The following GABRB2 variants were observed in gnomAD, a reference collection of about 807,000 sequenced individuals.
GABRB2 encodes gamma-aminobutyric acid type A receptor subunit beta2.
Under a neutral mutation model 54.7 loss-of-function variants are expected in GABRB2, and 16 were observed. That is an observed-to-expected ratio of 0.29 (90% CI 0.20 to 0.44). The LOEUF (loss-of-function observed/expected upper bound fraction) is 0.44, where lower values mean the gene tolerates loss of function less well. GABRB2 is among the 20% of genes least tolerant of loss of function. GABRB2 has a pLI of 1.00. For synonymous variants in GABRB2, 244 were observed against 233.8 expected (o/e 1.04, Z -0.40); for missense variants, 355 against 644.0 (o/e 0.55, Z 4.86).
intron 4 of GABRB2, among the ~76,000 whole-genome samples, chr5:161,449,360 A>C (rs906481368): frequency 2.0e-5 from 3 of 152,178 alleles, no homozygotes; most frequent in African/African-American, 7.2e-5. Context: ...GGTTACTACT[A>C]CTACTACAAC....
chr5:161,370,817 C>T (rs189942903), intron 5 of GABRB2, among the ~76,000 whole-genome samples: 1 of 152,240 alleles, frequency 6.6e-6, no homozygotes, highest in African/African-American at 2.4e-5. Context: ...ACCCAAGTGG[C>T]CATTAAAAAT....
intron 5 of GABRB2, among the ~76,000 whole-genome samples, chr5:161,390,141 T>C (rs1755774827): frequency 6.6e-6 from 1 of 152,044 alleles, no homozygotes; most frequent in Non-Finnish European, 1.5e-5. Context: ...ATTAGGCCAG[T>C]TTAATCATGT....
chr5:161,451,978 C>T (rs1440648913), intron 4 of GABRB2, among the ~76,000 whole-genome samples: 2 of 152,046 alleles, frequency 1.3e-5, no homozygotes, highest in East Asian at 1.9e-4. Context: ...GAAGATTTTA[C>T]TGTGTTTGTT....
rs537311099 is a variant in GABRB2 at position 161,309,882 on chromosome 5, C to T, written c.1192-15454G>A. On this transcript the variant is annotated intron_variant, in intron 9 of 9. Transcript: ENST00000393959. Reference sequence around the variant, plus strand: ...TCCTGACCTCGTGATCTGCCCATCTCGGCCTCCCAAAGTGCTGGGATTACA... The same window carrying T: ...TCCTGACCTCGTGATCTGCCCATCTTGGCCTCCCAAAGTGCTGGGATTACA... Among the ~76,000 whole-genome samples, 5 of 152,196 alleles carry T rather than the reference C, an allele frequency of 3.3e-5. No individual in the cohort carries two copies. The South Asian group carries it at 8.3e-4, about 25-fold the overall frequency.
intron 3 of GABRB2, among the ~76,000 whole-genome samples, chr5:161,541,887 G>C (rs1760829765): frequency 6.6e-6 from 1 of 152,152 alleles, no homozygotes; most frequent in African/African-American, 2.4e-5. Flanking sequence ...TGGCTGCTTT[G>C]AGCAAGAGAC....
chr5:161,435,789 G>T (rs1404337766), intron 4 of GABRB2, among the ~76,000 whole-genome samples: 2 of 152,158 alleles, frequency 1.3e-5, no homozygotes, highest in East Asian at 3.9e-4. Context: ...CTAGCCTATA[G>T]ATATAGTAGA....
Position 161,331,123 on chromosome 5 carries a change from G to A in GABRB2, c.837C>T (p.Ile279=). ...DASAARVALG[I]TTVLTMTTIN... is the part of the protein sequence containing the mutation. ...TTGTGGTCATTGTGAGGACAGTTGTGATTCCTGAAAAAAAATGGGAGAGTT... is the reference window on the plus strand; with the variant it reads ...TTGTGGTCATTGTGAGGACAGTTGTAATTCCTGAAAAAAAATGGGAGAGTT... The change falls in exon 8 of 10, where the codon ATC becomes ATT. Residue 279 remains isoleucine (I), a synonymous_variant. Transcript: ENST00000393959. 6.5e-7 allele frequency: 1 copy of A among 1,540,968 alleles called. No homozygotes were observed. Among genetic ancestry groups the A allele is most frequent in the Non-Finnish European group, 8.7e-7 (1 of 1,143,808 alleles).
At chr5:161,335,221 A>G (rs1411424621) in intron 6 of GABRB2, among the ~76,000 whole-genome samples, 3 of 151,988 alleles carry the variant, frequency 2.0e-5, no homozygotes, top group Non-Finnish European at 2.9e-5. Context: ...CATTCTTTCA[A>G]TTGTTCCTTA....
At chr5:161,308,082 C>T (rs917310564) in intron 9 of GABRB2, among the ~76,000 whole-genome samples, 4 of 151,968 alleles carry the variant, frequency 2.6e-5, no homozygotes, top group African/African-American at 4.8e-5. Flanking sequence ...AGGATGGTCT[C>T]GATCTCCTGA....
At chr5:161,467,239 T>C (rs1758305317) in intron 3 of GABRB2, among the ~76,000 whole-genome samples, 1 of 152,142 alleles carries the variant, frequency 6.6e-6, no homozygotes, top group Non-Finnish European at 1.5e-5. Context: ...GAGAAATCAC[T>C]CTCTCTGCTA....
At position 161,323,684 on chromosome 5, in the gene GABRB2, ACT is replaced by A. The variant is rs147193754; in HGVS notation, c.1191+2682_1191+2683del. Among the ~76,000 whole-genome samples, 356 of 151,446 alleles carry A rather than the reference ACT, an allele frequency of 2.4e-3. 1 individual carries two copies. Among genetic ancestry groups the A allele is most frequent in the Non-Finnish European group, 3.6e-3 (244 of 67,854 alleles). ...GACTAGACATGGGATTTTGGAGTCT[ACT>A]CTCTCTCCTCTTCTCCAGCACTTAT... On this transcript the variant is annotated intron_variant, in intron 9 of 9. Coordinates refer to ENST00000393959, the MANE Select transcript of GABRB2 (RefSeq NM_001371727.1).
At chr5:161,395,406 C>T (rs544919506) in intron 5 of GABRB2, among the ~76,000 whole-genome samples, 2 of 152,256 alleles carry the variant, frequency 1.3e-5, no homozygotes, top group Non-Finnish European at 2.9e-5. Context: ...ATTCATCTAT[C>T]CATTCATTAT....
At chr5:161,345,570 A>T (rs762142789) in intron 5 of GABRB2, among the ~76,000 whole-genome samples, 6 of 152,028 alleles carry the variant, frequency 3.9e-5, no homozygotes, top group Non-Finnish European at 8.8e-5. Context: ...TATTTCAGTT[A>T]CTTGAAATAT....
chr5:161,338,927 C>T (rs1268298676), intron 5 of GABRB2, among the ~76,000 whole-genome samples: 1 of 152,086 alleles, frequency 6.6e-6, no homozygotes, highest in Admixed American at 6.6e-5. Flanking sequence ...CTACCCAATC[C>T]TGAGACATGA....
chr5:161,547,967 G>T (rs1761042153), upstream of GABRB2: 1 of 152,262 alleles, frequency 6.6e-6, no homozygotes, highest in African/African-American at 2.4e-5. Flanking sequence ...GACAGGGGAC[G>T]GGGACTCCCG....
intron 3 of GABRB2, among the ~76,000 whole-genome samples, chr5:161,529,861 C>T (rs1760403853): frequency 6.6e-6 from 1 of 152,068 alleles, no homozygotes; most frequent in Admixed American, 6.6e-5. Flanking sequence ...TCCAAAACAA[C>T]AATTCCTGAT....
chr5:161,301,068 A>G (rs1757524333), intron 9 of GABRB2, among the ~76,000 whole-genome samples: 1 of 152,210 alleles, frequency 6.6e-6, no homozygotes, highest in Non-Finnish European at 1.5e-5. Context: ...GAGGAAATTG[A>G]GAATTAGGGA....
chr5:161,414,932 C>T (rs922639567), intron 4 of GABRB2, among the ~76,000 whole-genome samples: 31 of 151,982 alleles, frequency 2.0e-4, no homozygotes, highest in Admixed American at 2.0e-3. Context: ...TAATCTATTC[C>T]AAAAAGCTCA....
intron 5 of GABRB2, among the ~76,000 whole-genome samples, chr5:161,352,281 A>G (rs1473035370): frequency 6.6e-6 from 1 of 152,088 alleles, no homozygotes; most frequent in African/African-American, 2.4e-5. Context: ...TATTTATAAT[A>G]GCCAAGATAT....
Sources: gnomAD v4.1 joint callset for allele counts (sites outside exome capture counted in the v4.1 genomes callset) on GRCh38, gnomAD v4.1.1 for gene constraint, MANE v1.5 for transcripts, NCBI Gene and HGNC (gene_info 2026-07-23, HGNC 2026-07-21) for gene names.